The following ROBO2 variants were observed in gnomAD, a reference collection of about 807,000 sequenced individuals.
ROBO2 encodes the protein roundabout homolog 2.
In ROBO2, 53 loss-of-function variants were observed where a neutral mutation model predicts 160.8. The ratio of observed to expected loss-of-function variants is 0.33; its 90% CI spans 0.26 to 0.41. ROBO2 has a LOEUF of 0.41. ROBO2 is among the 10% of genes least tolerant of loss of function. The probability of loss-of-function intolerance (pLI) is 1.00; values close to 1 mark genes in which losing one functional copy is unlikely to be tolerated. For missense variants in ROBO2, 1,577 were observed against 1,722.4 expected, an observed-to-expected ratio of 0.92 and a Z score of 1.49; for synonymous variants, 664 against 611.7, an observed-to-expected ratio of 1.09 and a Z score of -1.26.
At chr3:76,902,656 T>C (rs1577360329) in intron 2 of ROBO2, among the ~76,000 whole-genome samples, 1 of 151,308 alleles carries the variant, frequency 6.6e-6, no homozygotes, top group East Asian at 1.9e-4. Flanking sequence ...ACATTTTCCC[T>C]GTTGCAAATT....
intron 2 of ROBO2, among the ~76,000 whole-genome samples, chr3:75,966,972 A>G (rs1347430999): frequency 6.6e-6 from 1 of 151,678 alleles, no homozygotes; most frequent in Admixed American, 6.6e-5. Context: ...TGCTACACAT[A>G]GACTCAGGTC....
At chr3:76,216,702 A>G (rs369820328) in intron 2 of ROBO2, among the ~76,000 whole-genome samples, 12 of 152,262 alleles carry the variant, frequency 7.9e-5, no homozygotes, top group Admixed American at 2.0e-4. Flanking sequence ...CTCCCACACA[A>G]TAATAATGGG....
chr3:77,253,786 T>C (rs954216643), intron 2 of ROBO2, among the ~76,000 whole-genome samples: 1 of 152,274 alleles, frequency 6.6e-6, no homozygotes, highest in South Asian at 2.1e-4. Context: ...AATCCTGAAC[T>C]CTAGAACCAG....
chr3:76,273,650 GATCATGAGAACTCACTCATC>G (rs1284237459), intron 2 of ROBO2, among the ~76,000 whole-genome samples: 22 of 151,978 alleles, frequency 1.4e-4, no homozygotes, highest in African/African-American at 4.6e-4. Flanking sequence ...ACTCACTCAC[GATCATGAGAACTCACTCATC>G]ATCATGAGAA....
At chr3:76,555,468 A>G (rs2083731247) in intron 2 of ROBO2, among the ~76,000 whole-genome samples, 2 of 146,720 alleles carry the variant, frequency 1.4e-5, no homozygotes, top group Admixed American at 6.6e-5. Context: ...AAGAGGGAAA[A>G]GAAAAAATAG....
intron 2 of ROBO2, among the ~76,000 whole-genome samples, chr3:77,103,890 C>T (rs1041712217): frequency 6.6e-6 from 1 of 152,084 alleles, no homozygotes; most frequent in Admixed American, 6.5e-5. Flanking sequence ...AAAGAGCTTC[C>T]TTGATCTCCT....
intron 2 of ROBO2, among the ~76,000 whole-genome samples, chr3:76,031,073 G>A (rs759497573): frequency 1.5e-4 from 23 of 152,104 alleles, no homozygotes; most frequent in Admixed American, 8.5e-4. Flanking sequence ...TCTCTGAAGA[G>A]GTCCTTCACA....
At chr3:75,941,007 C>T (rs755993883) in intron 2 of ROBO2, among the ~76,000 whole-genome samples, 25 of 152,124 alleles carry the variant, frequency 1.6e-4, no homozygotes, top group African/African-American at 3.1e-4. Flanking sequence ...CTCATCACAG[C>T]GCCAAACTCC....
At chr3:76,224,689 G>A (rs1704176222) in intron 2 of ROBO2, among the ~76,000 whole-genome samples, 2 of 152,106 alleles carry the variant, frequency 1.3e-5, no homozygotes, top group African/African-American at 2.4e-5. Context: ...ATTTTCTAAT[G>A]GCTAAATTCT....
At chr3:77,639,081 C>G (rs1185329586) in intron 24 of ROBO2, among the ~76,000 whole-genome samples, 1 of 152,134 alleles carries the variant, frequency 6.6e-6, no homozygotes, top group East Asian at 1.9e-4. Context: ...CTGCCCACCT[C>G]CACCTCCCAA....
intron 2 of ROBO2, among the ~76,000 whole-genome samples, chr3:77,462,572 C>T (rs1415591104): frequency 1.3e-5 from 2 of 152,188 alleles, no homozygotes; most frequent in Non-Finnish European, 2.9e-5. Flanking sequence ...CTTCGCAACT[C>T]TTTGTGTTGA....
intron 2 of ROBO2, among the ~76,000 whole-genome samples, chr3:76,836,838 C>G (rs1009101589): frequency 2.0e-5 from 3 of 151,808 alleles, no homozygotes; most frequent in Non-Finnish European, 4.4e-5. Flanking sequence ...TCCTTAAAAA[C>G]TTGAATATGT....
intron 2 of ROBO2, among the ~76,000 whole-genome samples, chr3:77,166,839 G>A (rs1001958294): frequency 3.3e-5 from 5 of 152,290 alleles, no homozygotes; most frequent in African/African-American, 7.2e-5. Flanking sequence ...GATTACAGGC[G>A]TGAGCCCCCG....
intron 2 of ROBO2, among the ~76,000 whole-genome samples, chr3:76,087,574 A>T (rs1336498241): frequency 6.6e-6 from 1 of 152,102 alleles, no homozygotes; most frequent in Admixed American, 6.6e-5. Context: ...TCATATCTAC[A>T]TAAATAAGTG....
chr3:77,367,633 A>G (rs754744290), intron 2 of ROBO2, among the ~76,000 whole-genome samples: 1 of 152,238 alleles, frequency 6.6e-6, no homozygotes, highest in Non-Finnish European at 1.5e-5. Flanking sequence ...TCCAACCTTT[A>G]AGAGCAGGCA....
At chr3:76,164,862 G>A (rs1319523075) in intron 2 of ROBO2, among the ~76,000 whole-genome samples, 1 of 34,754 alleles carries the variant, frequency 2.9e-5, no homozygotes, top group Non-Finnish European at 8.7e-5. Context: ...GCCTGGCTGG[G>A]ACTGCCCCGC....
Position 77,579,930 on chromosome 3 carries a change from A to G in ROBO2, c.2329-17A>G. On this transcript the variant is annotated splice_polypyrimidine_tract_variant and intron_variant, in intron 15 of 25. Coordinates refer to ENST00000461745, the Ensembl canonical transcript of ROBO2. The stretch of plus-strand genomic sequence containing the variant: ...ATAATCTTATATCCATGTGTTATTC[A>G]CTTTCCATTTCTGTAGATCTGGTGT... 2 of 1,609,678 alleles carry G rather than the reference A, an allele frequency of 1.2e-6. No homozygotes were observed. The highest frequency in any genetic ancestry group is 8.5e-7 in the Non-Finnish European group (1 of 1,176,064).
At chr3:77,362,370 T>C (rs2153469261) in intron 2 of ROBO2, among the ~76,000 whole-genome samples, 1 of 152,044 alleles carries the variant, frequency 6.6e-6, no homozygotes, top group South Asian at 2.1e-4. Context: ...GCATCTGGAG[T>C]AAGAAAGATT....
At chr3:77,471,104 G>A (rs889103612) in intron 2 of ROBO2, among the ~76,000 whole-genome samples, 3 of 152,126 alleles carry the variant, frequency 2.0e-5, no homozygotes, top group African/African-American at 7.2e-5. Flanking sequence ...ACTTTAGTTG[G>A]GATCATGTGC....
Sources: allele counts gnomAD v4.1 joint callset (sites outside exome capture counted in the v4.1 genomes callset), GRCh38; gene constraint gnomAD v4.1.1; transcripts MANE v1.5; gene names NCBI Gene and HGNC (gene_info 2026-07-23, HGNC 2026-07-21).